Variants in CTNNA3 observed in about 807,000 individuals in gnomAD.
CTNNA3 encodes the protein catenin alpha-3.
CTNNA3 carries 76 observed loss-of-function variants against 95.7 expected under a neutral mutation model. The observed-to-expected ratio is 0.79, with a 90% CI of 0.66 to 0.96. The LOEUF is 0.96. CTNNA3 is among the 40% of genes least tolerant of loss of function. The pLI, the probability that CTNNA3 is intolerant of heterozygous loss-of-function variation, is 0.00. For synonymous variants in CTNNA3, 431 were observed against 374.4 expected (o/e 1.15, Z -1.74); for missense variants, 1,191 against 1,089.8 (o/e 1.09, Z -1.31).
At position 66,045,095 on chromosome 10, in the gene CTNNA3, G is replaced by T. The variant is rs1039345210; in HGVS notation, c.2159+24213C>A. On this transcript the variant is annotated intron_variant, in intron 15 of 17. Coordinates refer to ENST00000433211, the MANE Select transcript of CTNNA3 (RefSeq NM_013266.4). ...GCATGGTACTTTTATATATGCCAGG[G>T]AAGATTCAATGACAGAGATAATCTG... Among the ~76,000 whole-genome samples, 4 of 152,256 alleles carry T rather than the reference G, an allele frequency of 2.6e-5. No homozygotes were observed. The East Asian group carries it at 7.7e-4, about 29-fold the overall frequency.
chr10:67,236,215 T>C (rs889967758), intron 5 of CTNNA3, among the ~76,000 whole-genome samples: 4 of 150,656 alleles, frequency 2.7e-5, no homozygotes, highest in South Asian at 2.1e-4. Flanking sequence ...TGCACAGGTA[T>C]GTTTATTGCG....
intron 13 of CTNNA3, among the ~76,000 whole-genome samples, chr10:66,115,567 TAGACA>T (rs1460497820): frequency 0.057 from 7,041 of 124,216 alleles, 207 homozygotes; most frequent in Admixed American, 0.1. Context: ...GATAGATAGA[TAGACA>T]GATAGATGAT....
chr10:67,702,154 T>G (rs1200149715), intron 1 of CTNNA3, among the ~76,000 whole-genome samples: 1 of 152,156 alleles, frequency 6.6e-6, no homozygotes, highest in Non-Finnish European at 1.5e-5. Context: ...CAAAGAGACT[T>G]AGACTCCCAT....
chr10:66,996,751 A>G (rs1851375423), intron 7 of CTNNA3, among the ~76,000 whole-genome samples: 1 of 151,086 alleles, frequency 6.6e-6, no homozygotes, highest in Non-Finnish European at 1.5e-5. Context: ...AACTTATTGG[A>G]AAAAAAATTT....
intron 5 of CTNNA3, among the ~76,000 whole-genome samples, chr10:67,361,326 T>A (rs1287353404): frequency 6.6e-6 from 1 of 152,138 alleles, no homozygotes; most frequent in Non-Finnish European, 1.5e-5. Context: ...GAATATACAT[T>A]CTTCTCATCT....
At chr10:66,273,370 G>C (rs1320074218) in intron 13 of CTNNA3, among the ~76,000 whole-genome samples, 1 of 152,144 alleles carries the variant, frequency 6.6e-6, no homozygotes, top group Non-Finnish European at 1.5e-5. Flanking sequence ...ACACTACTCA[G>C]AAGAGTGCAC....
intron 14 of CTNNA3, among the ~76,000 whole-genome samples, chr10:66,102,440 C>G (rs980644570): frequency 1.3e-5 from 2 of 152,212 alleles, no homozygotes; most frequent in Admixed American, 1.3e-4. Context: ...TACAGAGAAG[C>G]TAATTGACTT....
At chr10:67,714,433 C>G (rs1841130803) in intron 1 of CTNNA3, among the ~76,000 whole-genome samples, 1 of 152,190 alleles carries the variant, frequency 6.6e-6, no homozygotes, top group Admixed American at 6.5e-5. Context: ...TTGTGTGGGG[C>G]CTGTAGCCCC....
At chr10:67,706,719 G>A (rs1479626180) in intron 1 of CTNNA3, among the ~76,000 whole-genome samples, 1 of 152,122 alleles carries the variant, frequency 6.6e-6, no homozygotes, top group Non-Finnish European at 1.5e-5. Flanking sequence ...GAATAGGAAA[G>A]GGAGAGGCAA....
chr10:67,692,583 C>T (rs1180681901), intron 1 of CTNNA3, among the ~76,000 whole-genome samples: 1 of 136,730 alleles, frequency 7.3e-6, no homozygotes, highest in Non-Finnish European at 1.6e-5. Flanking sequence ...ATCTCAAGTA[C>T]CCAGGGACAC....
intron 10 of CTNNA3, among the ~76,000 whole-genome samples, chr10:66,587,582 A>C (rs1434617917): frequency 6.6e-6 from 1 of 152,130 alleles, no homozygotes; most frequent in African/African-American, 2.4e-5. Flanking sequence ...AGTGAGGATC[A>C]TAAGTCAATT....
intron 11 of CTNNA3, among the ~76,000 whole-genome samples, chr10:66,422,910 G>A (rs538253373): frequency 1.1e-4 from 17 of 151,954 alleles, no homozygotes; most frequent in African/African-American, 3.6e-4. Flanking sequence ...AATTACAGAC[G>A]TGAGCCACCA....
At chr10:66,156,739 T>C (rs946676839) in intron 13 of CTNNA3, among the ~76,000 whole-genome samples, 1 of 151,812 alleles carries the variant, frequency 6.6e-6, no homozygotes, top group African/African-American at 2.4e-5. Context: ...GTATCCAAAG[T>C]GTGGTTAATG....
chr10:66,178,440 T>TATATATATATACATATATATATATATAC lies in CTNNA3; in HGVS notation c.1885-75192_1885-75191insGTATATATATATATATGTATATATATAT, dbSNP rs1231414006. ...ATATATATATATATATATATATATATATACACACACAGATATAGAAAGAGA... is the reference window on the plus strand; with the variant it reads ...ATATATATATATATATATATATATATATATATATATACATATATATATATATACATACACACACAGATATAGAAAGAGA... On this transcript the variant is annotated intron_variant, in intron 13 of 17. Transcript: ENST00000433211. Among the ~76,000 whole-genome samples the TATATATATATACATATATATATATATAC allele has an allele frequency of 1.9e-3, 198 of 105,736 alleles. 3 individuals carry two copies. The highest frequency in any genetic ancestry group is 5.7e-3 in the South Asian group (20 of 3,486). The allele number at this position is 105,736 out of a possible 152,430, so 69.4% of individuals were successfully genotyped here.
chr10:67,582,668 C>T (rs1842448412), intron 3 of CTNNA3, among the ~76,000 whole-genome samples: 1 of 151,142 alleles, frequency 6.6e-6, no homozygotes, highest in Admixed American at 6.6e-5. Context: ...GTGTTTAAGT[C>T]TCCCATTATT....
intron 7 of CTNNA3, among the ~76,000 whole-genome samples, chr10:67,131,760 A>C (rs1421856042): frequency 2.0e-5 from 3 of 152,128 alleles, no homozygotes; most frequent in African/African-American, 7.2e-5. Flanking sequence ...TGTGGCTTGT[A>C]GACATGCAAC....
At chr10:66,234,891 C>T (rs2132021192) in intron 13 of CTNNA3, among the ~76,000 whole-genome samples, 2 of 152,318 alleles carry the variant, frequency 1.3e-5, no homozygotes, top group Admixed American at 1.3e-4. Flanking sequence ...CTCTTTCTCA[C>T]TTTCTCATTT....
chr10:66,376,242 G>C (rs2252529), intron 12 of CTNNA3, among the ~76,000 whole-genome samples: 53,799 of 152,042 alleles, frequency 0.35, 11,157 homozygotes, highest in Non-Finnish European at 0.47. Flanking sequence ...AGTCCAGAAG[G>C]TTTATTATTT....
intron 17 of CTNNA3, among the ~76,000 whole-genome samples, chr10:65,921,856 C>T (rs1198222416): frequency 6.6e-6 from 1 of 152,174 alleles, no homozygotes; most frequent in Non-Finnish European, 1.5e-5. Context: ...GTTGGTCCTG[C>T]ACAAAAGCAA....
Sources: allele counts gnomAD v4.1 joint callset (sites outside exome capture counted in the v4.1 genomes callset), GRCh38; gene constraint gnomAD v4.1.1; transcripts MANE v1.5; gene names NCBI Gene and HGNC (gene_info 2026-07-23, HGNC 2026-07-21).